The following FOXN3 variants were observed in gnomAD, a reference collection of about 807,000 sequenced individuals.
FOXN3 encodes forkhead box N3.
Under a neutral mutation model 38.4 loss-of-function variants are expected in FOXN3, and 7 were observed. The observed-to-expected ratio is 0.18, with a 90% confidence interval of 0.10 to 0.34. The LOEUF is 0.34. FOXN3 is among the 10% of genes least tolerant of loss of function. The pLI is 1.00. For synonymous variants in FOXN3, 230 were observed against 242.2 expected (o/e 0.95, Z 0.47); for missense variants, 456 against 613.4 (o/e 0.74, Z 2.71).
At chr14:89,297,824 AT>A (rs773198982) in intron 3 of FOXN3, among the ~76,000 whole-genome samples, 36 of 150,448 alleles carry the variant, frequency 2.4e-4, no homozygotes, top group African/African-American at 7.7e-4. Context: ...CAAAAAAAAA[AT>A]TTTTTTTTAA....
At position 89,550,414 on chromosome 14, in the gene FOXN3, T is replaced by C. The variant is rs2139861975; in HGVS notation, c.-15+68614A>G. On this transcript the variant is annotated intron_variant, in intron 1 of 6. Coordinates refer to the FOXN3 transcript ENST00000345097. Reference sequence around the variant, plus strand: ...ACACTTCCAGTAGCACTGCCAGCCCTTCCCCATTTCCTGGACAATCTACTG... The same window carrying C: ...ACACTTCCAGTAGCACTGCCAGCCCCTCCCCATTTCCTGGACAATCTACTG... Among the ~76,000 whole-genome samples the C allele has an allele frequency of 1.3e-5, 2 of 152,346 alleles. 1 individual carries two copies. The highest frequency in any genetic ancestry group is 4.1e-4 in the South Asian group (2 of 4,826).
chr14:89,261,828 T>TGAGGCAGGAGAATGGTATG (rs1885812460), intron 4 of FOXN3, among the ~76,000 whole-genome samples: 1 of 152,176 alleles, frequency 6.6e-6, no homozygotes, highest in South Asian at 2.1e-4. Flanking sequence ...GTCGGGAGGC[T>TGAGGCAGGAGAATGGTATG]GAGGCAGGAG....
intron 4 of FOXN3, among the ~76,000 whole-genome samples, chr14:89,204,949 A>G (rs1888340832): frequency 1.3e-5 from 2 of 152,194 alleles, no homozygotes; most frequent in Admixed American, 1.3e-4. Context: ...CAGGATTAAG[A>G]CTATACATAA....
At chr14:89,410,498 T>C (rs1891515244) in intron 2 of FOXN3, among the ~76,000 whole-genome samples, 1 of 152,238 alleles carries the variant, frequency 6.6e-6, no homozygotes, top group South Asian at 2.1e-4. Context: ...GCATTACTTT[T>C]CAGGGCTCAA....
intron 3 of FOXN3, among the ~76,000 whole-genome samples, chr14:89,296,968 G>C (rs1195268183): frequency 6.6e-6 from 1 of 152,186 alleles, no homozygotes; most frequent in Non-Finnish European, 1.5e-5. Context: ...GGCTGGAGGA[G>C]AGGAGAAACA....
rs1720656522 is a variant in FOXN3 at position 89,387,985 on chromosome 14, C to A, written c.543+23949G>T. ...ATCACCTGCGGTCACAAGTTCAAGA[C>A]CAGCCTAGCCAACATGATGAAACTC... On this transcript the variant is annotated intron_variant, in intron 2 of 5. Transcript: ENST00000557258. 2.0e-5 allele frequency among the ~76,000 whole-genome samples: 3 copies of A among 152,220 alleles called. No individual in the cohort carries two copies. The South Asian group carries it at 6.2e-4, about 31-fold the overall frequency.
chr14:89,454,601 G>A (rs1032855430), intron 1 of FOXN3, among the ~76,000 whole-genome samples: 4 of 152,118 alleles, frequency 2.6e-5, no homozygotes, highest in Non-Finnish European at 5.9e-5. Context: ...GAGAAAAACC[G>A]GAATAAACTT....
intron 1 of FOXN3, among the ~76,000 whole-genome samples, chr14:89,428,744 G>C (rs80350892): frequency 0.05 from 7,594 of 152,308 alleles, 263 homozygotes; most frequent in Non-Finnish European, 0.07. Context: ...ACGTCAGAGA[G>C]ACCTCAGCGC....
intron 1 of FOXN3, among the ~76,000 whole-genome samples, chr14:89,614,897 T>G (rs1596333699): frequency 6.6e-6 from 1 of 152,210 alleles, no homozygotes; most frequent in Admixed American, 6.5e-5. Flanking sequence ...GGCTGCTCTC[T>G]GCAAATGGAG....
intron 1 of FOXN3, among the ~76,000 whole-genome samples, chr14:89,523,855 C>A (rs1341539965): frequency 6.6e-6 from 1 of 151,834 alleles, no homozygotes; most frequent in African/African-American, 2.4e-5. Context: ...CTCTACCTCC[C>A]GGGTTCAAGC....
chr14:89,360,741 ACCAC>A lies in FOXN3; in HGVS notation c.544-9937_544-9934del, dbSNP rs1295841270. On this transcript the variant is annotated intron_variant, in intron 2 of 5. Transcript: ENST00000557258. The stretch of plus-strand genomic sequence containing the variant: ...TACCTCCACCACCACCACCTCCAGC[ACCAC>A]CTCCACCACCACCTCCACCACTACC... Among the ~76,000 whole-genome samples the A allele has an allele frequency of 2.2e-3, 270 of 122,808 alleles. 6 individuals are homozygous for A. The highest frequency in any genetic ancestry group is 8.0e-3 in the Middle Eastern group (2 of 250). The allele number at this position is 122,808 out of a possible 152,430, so 80.6% of individuals were successfully genotyped here.
chr14:89,487,982 G>A (rs370015711), intron 1 of FOXN3, among the ~76,000 whole-genome samples: 6 of 152,190 alleles, frequency 3.9e-5, no homozygotes, highest in Middle Eastern at 3.4e-3. Context: ...AGGGCTATTC[G>A]GGGGCACGGG....
intron 3 of FOXN3, among the ~76,000 whole-genome samples, chr14:89,308,299 C>A (rs910190355): frequency 6.6e-6 from 1 of 152,158 alleles, no homozygotes; most frequent in African/African-American, 2.4e-5. Flanking sequence ...AAAAAGAAGA[C>A]AAATGAAAAA....
At chr14:89,357,856 A>G (rs1211914817) in intron 2 of FOXN3, among the ~76,000 whole-genome samples, 1 of 152,174 alleles carries the variant, frequency 6.6e-6, no homozygotes, top group Non-Finnish European at 1.5e-5. Context: ...CTATTATGCA[A>G]CGCGCGACTG....
chr14:89,216,336 G>GA (rs1237382068), intron 4 of FOXN3, among the ~76,000 whole-genome samples: 1 of 152,160 alleles, frequency 6.6e-6, no homozygotes, highest in East Asian at 1.9e-4. Flanking sequence ...ACCCAAGGCA[G>GA]AATCAGCTGT....
At chr14:89,511,027 C>T (rs1040960827) in intron 1 of FOXN3, among the ~76,000 whole-genome samples, 3 of 152,124 alleles carry the variant, frequency 2.0e-5, no homozygotes, top group South Asian at 2.1e-4. Context: ...AAAGTGCATG[C>T]CTGACCAATG....
rs925251080 is a variant in FOXN3 at position 89,502,038 on chromosome 14, T to C, written c.-14-89548A>G. ...AAAAAATTAGCCAGACATGGTGGCATGAGCCTGTAATCCCAGCTACGCGGG... is the reference window on the plus strand; with the variant it reads ...AAAAAATTAGCCAGACATGGTGGCACGAGCCTGTAATCCCAGCTACGCGGG... On this transcript the variant is annotated intron_variant, in intron 1 of 6. Transcript: ENST00000345097. Among the ~76,000 whole-genome samples, 6 of 151,226 alleles carry C rather than the reference T, an allele frequency of 4.0e-5. No individual in the cohort carries two copies. In the South Asian group the frequency reaches 1.0e-3, roughly 26 times the overall value.
intron 2 of FOXN3, among the ~76,000 whole-genome samples, chr14:89,352,735 T>C (rs1889029777): frequency 6.6e-6 from 1 of 152,232 alleles, no homozygotes; most frequent in Non-Finnish European, 1.5e-5. Flanking sequence ...CCATTTAATC[T>C]TAACGCTACA....
intron 4 of FOXN3, among the ~76,000 whole-genome samples, chr14:89,211,682 G>A (rs1884097244): frequency 1.3e-5 from 2 of 152,206 alleles, no homozygotes; most frequent in Non-Finnish European, 2.9e-5. Flanking sequence ...GAAAGGGGTA[G>A]CACTGGCTTC....
Sources: allele counts gnomAD v4.1 joint callset (sites outside exome capture counted in the v4.1 genomes callset), GRCh38; gene constraint gnomAD v4.1.1; transcripts MANE v1.5; gene names NCBI Gene and HGNC (gene_info 2026-07-23, HGNC 2026-07-21).